Variants in CAND1 observed in about 807,000 individuals in gnomAD.
CAND1 encodes the protein cullin-associated NEDD8-dissociated protein 1.
A neutral mutation model predicts 108.5 loss-of-function variants in CAND1; 7 were observed. The ratio of observed to expected loss-of-function variants is 0.06; its 90% CI spans 0.04 to 0.12. The LOEUF (loss-of-function observed/expected upper bound fraction) is 0.12, where lower values mean the gene tolerates loss of function less well. Among genes scored for constraint, CAND1 ranks in the 10% least tolerant of loss-of-function variants. The probability of loss-of-function intolerance (pLI) is 1.00; values close to 1 mark genes in which losing one functional copy is unlikely to be tolerated. For synonymous variants in CAND1, 534 were observed against 512.0 expected (o/e 1.04, Z -0.58); for missense variants, 941 against 1,448.7 (o/e 0.65, Z 5.69).
intron 1 of CAND1, among the ~76,000 whole-genome samples, chr12:67,271,785 C>T (rs902368920): frequency 2.6e-5 from 4 of 152,130 alleles, no homozygotes; most frequent in East Asian, 3.8e-4. Flanking sequence ...AGGAGCAGTA[C>T]GTGATTTCCA....
rs747369534 is a variant in CAND1 at position 67,305,313 on chromosome 12, G to A, written c.1645G>A (p.Val549Ile). ...TCTTGTTACTCAACAGCTTGTCAAA[G>A]TAATTCGTCCTTTAGATCAGCCTTC... ...ALLVTQQLVK[V>I]IRPLDQPSSF... Residue 549 changes from valine (V) to isoleucine (I), a missense_variant, in exon 10 of 15, where the codon GTA becomes ATA. By Grantham distance (29) the Val-to-Ile change is conservative (BLOSUM62 3). Around this residue, in one of 9 missense-constraint regions of CAND1, gnomAD observed 697 missense variants for 942.0 expected, o/e 0.74. Transcript: ENST00000545606. This position sits in a 1 kb window ranked among gnomAD's most constrained non-coding sequence, Gnocchi z 4.4. 1.2e-5 allele frequency: 20 copies of A among 1,614,022 alleles called. No individual in the cohort carries two copies. The highest frequency in any genetic ancestry group is 1.4e-5 in the Non-Finnish European group (16 of 1,180,014).
intron 2 of CAND1, among the ~76,000 whole-genome samples, chr12:67,291,139 A>G (rs191223310): frequency 6.6e-6 from 1 of 152,328 alleles, no homozygotes; most frequent in East Asian, 1.9e-4. Context: ...CTATGGGAAG[A>G]ACACAAAGGA....
At chr12:67,310,473 CA>C in intron 13 of CAND1, 157 bp downstream of exon 13, 1 of 524,830 alleles carries the variant, frequency 1.9e-6, no homozygotes, top group Non-Finnish European at 3.4e-6. Flanking sequence ...AAGTAATAGG[CA>C]GTGTAACACC....
At chr12:67,289,770 C>T (rs1384671196) in intron 2 of CAND1, among the ~76,000 whole-genome samples, 4 of 152,156 alleles carry the variant, frequency 2.6e-5, no homozygotes, top group Non-Finnish European at 4.4e-5. Context: ...CATGTATCTG[C>T]CATGTTTCAG....
intron 2 of CAND1, among the ~76,000 whole-genome samples, chr12:67,292,386 G>A (rs11176673): frequency 0.19 from 28,794 of 152,046 alleles, 5,642 homozygotes; most frequent in African/African-American, 0.5. Flanking sequence ...GATACGGAAA[G>A]CAGCTTCAGT....
Position 67,295,143 on chromosome 12 carries a change from G to T in CAND1, c.478G>T (p.Asp160Tyr). The stretch of plus-strand genomic sequence containing the variant: ...GCTAGAAGCCTTGGATATTATGGCT[G>T]ATATGTTGAGCAGGTAAGTGTGCCT... ...VQLEALDIMA[D>Y]MLSRQGGLLV... The change falls in exon 4 of 15, where the codon GAT becomes TAT. Residue 160 changes from aspartate (D) to tyrosine (Y), a missense_variant. This residue lies in a region of CAND1 where 697 missense variants were observed against 942.0 expected (regional missense o/e 0.74). Coordinates refer to ENST00000545606, the MANE Select transcript of CAND1 (RefSeq NM_018448.5). 6.2e-7 allele frequency: 1 copy of T among 1,611,830 alleles called. No individual in the cohort carries two copies. The highest frequency in any genetic ancestry group is 1.1e-5 in the South Asian group (1 of 90,762).
chr12:67,312,506 A>G (rs2044962268), intron 14 of CAND1, 100 bp from the exon 15 acceptor site: 9 of 674,062 alleles, frequency 1.3e-5, no homozygotes, highest in East Asian at 1.1e-4. Context: ...TTATGGACCT[A>G]CGAGAGTAGC....
intron 2 of CAND1, among the ~76,000 whole-genome samples, chr12:67,287,199 G>GA (rs1030391836): frequency 3.3e-5 from 5 of 152,172 alleles, no homozygotes; most frequent in Non-Finnish European, 5.9e-5. Context: ...GTAACAATCA[G>GA]AAATGTCTCT....
intron 3 of CAND1, among the ~76,000 whole-genome samples, chr12:67,293,469 G>A (rs1339431406): frequency 6.6e-6 from 1 of 152,108 alleles, no homozygotes; most frequent in African/African-American, 2.4e-5. Flanking sequence ...AATGTAGTCT[G>A]GGGGCCGGGC....
chr12:67,281,202 C>T (rs965939185), intron 1 of CAND1, among the ~76,000 whole-genome samples: 5 of 151,574 alleles, frequency 3.3e-5, no homozygotes, highest in African/African-American at 7.3e-5. Flanking sequence ...TGGTGACAGG[C>T]GCCTGTAATC....
chr12:67,297,670 A>G lies in CAND1; in HGVS notation c.748+7A>G. The G allele has an allele frequency of 6.2e-7, 1 of 1,604,012 alleles. No individual in the cohort carries two copies. Among genetic ancestry groups the G allele is most frequent in the Non-Finnish European group, 8.5e-7 (1 of 1,176,040 alleles). ...CAAGCTGGTCATAGAATAGGTAAGAAATCTTTAAAAGTTTTACAGTTTTCT... is the reference window on the plus strand; with the variant it reads ...CAAGCTGGTCATAGAATAGGTAAGAGATCTTTAAAAGTTTTACAGTTTTCT... On this transcript the variant is annotated splice_region_variant and intron_variant, in intron 5 of 14. Transcript: ENST00000545606.
intron 1 of CAND1, among the ~76,000 whole-genome samples, chr12:67,280,337 A>C (rs569629468): frequency 1.3e-5 from 2 of 152,344 alleles, no homozygotes; most frequent in Admixed American, 6.5e-5. Context: ...ATTGCCTTAC[A>C]TGTAATGCAT....
intron 2 of CAND1, among the ~76,000 whole-genome samples, chr12:67,287,827 C>G (rs1419307247): frequency 7.6e-6 from 1 of 131,640 alleles, no homozygotes; most frequent in Non-Finnish European, 1.7e-5. Flanking sequence ...ATTCATTATT[C>G]AGTTTGAAAT....
At chr12:67,296,057 T>G (rs1299049776) in intron 4 of CAND1, among the ~76,000 whole-genome samples, 1 of 152,196 alleles carries the variant, frequency 6.6e-6, no homozygotes, top group African/African-American at 2.4e-5. Context: ...TGGGGAAGCA[T>G]ATTCTAGTTT....
chr12:67,273,047 TA>T (rs34078979), intron 1 of CAND1, among the ~76,000 whole-genome samples: 1 of 152,098 alleles, frequency 6.6e-6, no homozygotes, highest in Non-Finnish European at 1.5e-5. Flanking sequence ...GCTCTTTTAT[TA>T]AAAAAAGGAG....
At position 67,317,840 on chromosome 12, in the gene CAND1, C is replaced by T. The variant is rs979322551; in HGVS notation, c.*5010C>T. 1 of 152,254 alleles carries T rather than the reference C, an allele frequency of 6.6e-6. No individual in the cohort carries two copies. The highest frequency in any genetic ancestry group is 1.5e-5 in the Non-Finnish European group (1 of 68,086). 9.4% of individuals were successfully genotyped at this position (152,254 alleles called of 1,614,324 possible). ...TGCCCCTGTTTCAGACTATTATATC[C>T]AACCACCTGCTATACATCTCATAAA... On this transcript the variant is annotated 3_prime_UTR_variant, in exon 15 of 15. Coordinates refer to ENST00000545606, the MANE Select transcript of CAND1 (RefSeq NM_018448.5).
chr12:67,269,888 T>G lies in CAND1; in HGVS notation c.68+103T>G, dbSNP rs564541077. The G allele has an allele frequency of 1.2e-4, 117 of 949,784 alleles. 1 individual carries two copies. The East Asian group carries it at 2.4e-3, about 19-fold the overall frequency. 58.8% of individuals were successfully genotyped at this position (949,784 alleles called of 1,614,324 possible). ...CACCCCTTCGGCCGTAGCCGGTAGC[T>G]TCTCTGCCCCGAAGTCTCCAGCCCA... On this transcript the variant is annotated intron_variant, in intron 1 of 14. Coordinates refer to ENST00000545606, the MANE Select transcript of CAND1 (RefSeq NM_018448.5).
At chr12:67,284,374 T>A (rs898674172) in intron 2 of CAND1, among the ~76,000 whole-genome samples, 1 of 152,156 alleles carries the variant, frequency 6.6e-6, no homozygotes, top group African/African-American at 2.4e-5. Flanking sequence ...GACTAAGATT[T>A]TAAGGGGGCA....
chr12:67,278,554 T>C (rs991983052), intron 1 of CAND1, among the ~76,000 whole-genome samples: 7 of 152,108 alleles, frequency 4.6e-5, no homozygotes, highest in East Asian at 1.9e-4. Flanking sequence ...AATCTCACTC[T>C]GTCACCTAGG....
Sources: gnomAD v4.1 joint callset for allele counts (sites outside exome capture counted in the v4.1 genomes callset) on GRCh38, gnomAD v4.1.1 for gene constraint, gnomAD v4.1.1 regional missense constraint, Gnocchi (gnomAD v3.1) non-coding constraint, MANE v1.5 for transcripts, NCBI Gene and HGNC (gene_info 2026-07-23, HGNC 2026-07-21) for gene names.